The following ODF2 variants were observed in gnomAD, a reference collection of about 807,000 sequenced individuals.
ODF2 encodes outer dense fiber protein 2.
Under a neutral mutation model 110.2 loss-of-function variants are expected in ODF2, and 47 were observed. The ratio of observed to expected loss-of-function variants is 0.43; its 90% CI spans 0.34 to 0.54. The LOEUF (loss-of-function observed/expected upper bound fraction) is 0.54. Among genes scored for constraint, ODF2 ranks in the 20% least tolerant of loss-of-function variants. The pLI is 0.03. For synonymous variants in ODF2, 352 were observed against 397.7 expected, an observed-to-expected ratio of 0.89 and a Z score of 1.37; for missense variants, 812 against 1,054.5, an observed-to-expected ratio of 0.77 and a Z score of 3.19.
In ODF2 at chr9:128,456,961, C is replaced by T. The variant is rs117532043; in HGVS notation, c.-208-237C>T. 8.5e-3 allele frequency: 10,483 copies of T among 1,237,568 alleles called. 160 individuals are homozygous for T. The highest frequency in any genetic ancestry group is 0.074 in the East Asian group (1,607 of 21,812). The allele number at this position is 1,237,568 out of a possible 1,614,324, so 76.7% of individuals were successfully genotyped here. On this transcript the variant is annotated intron_variant, in intron 1 of 20. Coordinates refer to ENST00000604420, the Ensembl canonical transcript of ODF2. ...AGTTGTCCGGCCCCGCCCCAGCATC[C>T]CCGCGGCTCCCTGCGCGGTTCTGGC...
chr9:128,459,645 T>C (rs1208896200), exon 3 of ODF2: 14 of 1,613,550 alleles, frequency 8.7e-6, no homozygotes, highest in Non-Finnish European at 1.2e-5. Context: ...GCGCACCCAG[T>C]GTAACTGTGA....
intron 4 of ODF2, among the ~76,000 whole-genome samples, chr9:128,462,986 C>T (rs927001584): frequency 2.0e-5 from 3 of 152,002 alleles, no homozygotes; most frequent in East Asian, 3.8e-4. Context: ...TCTGGCTGGG[C>T]GTGGTGGGCT....
exon 2 of ODF2, chr9:128,457,208 G>A (rs1380171084): frequency 6.4e-7 from 1 of 1,563,892 alleles, no homozygotes; most frequent in South Asian, 1.1e-5. Context: ...GACAGTTGCT[G>A]TGCGACTTGG....
intron 3 of ODF2, chr9:128,460,041 C>T (rs1046071410): frequency 1.3e-5 from 11 of 878,942 alleles, no homozygotes; most frequent in Non-Finnish European, 1.6e-5. Context: ...AGACAGCCTT[C>T]TCATCCTTAG....
intron 2 of ODF2, among the ~76,000 whole-genome samples, chr9:128,459,017 G>T (rs1354089670): frequency 6.6e-6 from 1 of 151,926 alleles, no homozygotes; most frequent in Non-Finnish European, 1.5e-5. Flanking sequence ...GCTAATTTTT[G>T]TATGTTTTGT....
intron 8 of ODF2, among the ~76,000 whole-genome samples, chr9:128,478,439 A>C (rs1448830587): frequency 6.6e-6 from 1 of 152,040 alleles, no homozygotes; most frequent in Non-Finnish European, 1.5e-5. Flanking sequence ...CTCTACTAAA[A>C]TACAAAAAAA....
chr9:128,488,286 G>A (rs10732396), intron 14 of ODF2, among the ~76,000 whole-genome samples: 96,994 of 152,056 alleles, frequency 0.64, 33,845 homozygotes, highest in Non-Finnish European at 0.78. Flanking sequence ...GTAGCCAGGC[G>A]TGGAGGCATG....
chr9:128,469,419 T>G, intron 5 of ODF2, 66 bp downstream of exon 5: 1 of 1,534,890 alleles, frequency 6.5e-7, no homozygotes, highest in Non-Finnish European at 9.0e-7. Flanking sequence ...CAGGTGGATT[T>G]CCTGCCTGGT....
intron 8 of ODF2, among the ~76,000 whole-genome samples, chr9:128,476,972 A>G (rs1316970920): frequency 6.7e-6 from 1 of 149,460 alleles, no homozygotes; most frequent in Non-Finnish European, 1.5e-5. Flanking sequence ...GGCCGGGTGC[A>G]GTGGCTCATG....
intron 18 of ODF2, chr9:128,497,461 ATATATATATATATATATATATAT>A (rs1845837407): frequency 1.0e-5 from 1 of 96,926 alleles, no homozygotes; most frequent in Non-Finnish European, 1.9e-5. Flanking sequence ...ATATATATAT[ATATATATATATATATATATATAT>A]ATGTATAAAA....
intron 18 of ODF2, 137 bp downstream of exon 18, chr9:128,496,278 A>G: frequency 2.6e-6 from 4 of 1,516,566 alleles, no homozygotes; most frequent in Non-Finnish European, 3.5e-6. Flanking sequence ...CTCAGAGGAA[A>G]AGCTGCTTCC....
intron 4 of ODF2, among the ~76,000 whole-genome samples, chr9:128,467,663 T>C (rs1175800174): frequency 6.8e-6 from 1 of 147,572 alleles, no homozygotes; most frequent in African/African-American, 2.5e-5. Context: ...GAGAATTGCT[T>C]GAACCTGGGA....
chr9:128,493,333 C>T (rs892969869), intron 16 of ODF2, among the ~76,000 whole-genome samples: 2 of 152,060 alleles, frequency 1.3e-5, no homozygotes, highest in African/African-American at 2.4e-5. Flanking sequence ...AGCAGTGAGC[C>T]GTCATTGTGC....
intron 9 of ODF2, among the ~76,000 whole-genome samples, chr9:128,482,232 G>T (rs1210700631): frequency 6.6e-6 from 1 of 152,242 alleles, no homozygotes; most frequent in Non-Finnish European, 1.5e-5. Context: ...GGAGGGAGAC[G>T]GAGGCCCAGT....
intron 4 of ODF2, among the ~76,000 whole-genome samples, chr9:128,467,813 TAAAATATTTAAA>T (rs887024055): frequency 1.3e-5 from 2 of 151,944 alleles, no homozygotes; most frequent in Non-Finnish European, 2.9e-5. Context: ...ATATGCATTT[TAAAATATTTAAA>T]AAAATATTTA....
At chr9:128,467,917 G>A (rs1030704884) in intron 4 of ODF2, among the ~76,000 whole-genome samples, 13 of 151,956 alleles carry the variant, frequency 8.6e-5, no homozygotes, top group Non-Finnish European at 1.5e-4. Context: ...TCAGTGTCTC[G>A]ATCTCCTGAC....
chr9:128,456,926 C>T, intron 1 of ODF2: 1 of 1,262,492 alleles, frequency 7.9e-7, no homozygotes, highest in Non-Finnish European at 1.0e-6. Flanking sequence ...CGCCCCTTCT[C>T]CTAGGAGACA....
intron 18 of ODF2, 83 bp downstream of exon 18, chr9:128,496,224 G>A (rs1177488878): frequency 1.3e-5 from 20 of 1,593,602 alleles, no homozygotes; most frequent in South Asian, 8.9e-5. Flanking sequence ...CTTAGTGTGC[G>A]GAAGTGTTGA....
upstream of ODF2, chr9:128,455,978 C>T: frequency 1.4e-6 from 2 of 1,410,428 alleles, no homozygotes; most frequent in Non-Finnish European, 1.8e-6. Context: ...GGTGACGGGA[C>T]GCGTGGCCCG....
Sources: gnomAD v4.1 joint callset for allele counts (sites outside exome capture counted in the v4.1 genomes callset) on GRCh38, gnomAD v4.1.1 for gene constraint, MANE v1.5 for transcripts, NCBI Gene and HGNC (gene_info 2026-07-23, HGNC 2026-07-21) for gene names.